Variants in MLLT3 observed in about 807,000 individuals in gnomAD.
MLLT3 encodes MLLT3 super elongation complex subunit.
Under a neutral mutation model 53.2 loss-of-function variants are expected in MLLT3, and 4 were observed. The ratio of observed to expected loss-of-function variants is 0.08; its 90% CI spans 0.04 to 0.17. MLLT3 has a LOEUF of 0.17. Ranked by LOEUF, MLLT3 falls within the 10% of genes least tolerant of loss-of-function variation. MLLT3 has a pLI of 1.00. For synonymous variants in MLLT3, 283 were observed against 230.6 expected, an observed-to-expected ratio of 1.23 and a Z score of -2.06; for missense variants, 569 against 684.0, an observed-to-expected ratio of 0.83 and a Z score of 1.87.
At chr9:20,580,380 G>A (rs144935242) in intron 2 of MLLT3, among the ~76,000 whole-genome samples, 3 of 150,874 alleles carry the variant, frequency 2.0e-5, no homozygotes, top group African/African-American at 4.9e-5. Context: ...TTTTAAGCTC[G>A]ATTTCTTAGA....
At chr9:20,454,875 C>T (rs1008156454) in intron 3 of MLLT3, among the ~76,000 whole-genome samples, 6 of 152,104 alleles carry the variant, frequency 3.9e-5, no homozygotes, top group Admixed American at 3.9e-4. Context: ...ACAGTCACTT[C>T]TCCAAAAAAA....
intron 2 of MLLT3, among the ~76,000 whole-genome samples, chr9:20,559,658 T>G (rs1158430789): frequency 1.3e-5 from 2 of 152,220 alleles, no homozygotes; most frequent in Non-Finnish European, 2.9e-5. Flanking sequence ...ATGCATCACA[T>G]GGCATCCTTT....
chr9:20,393,379 G>C (rs1822237217), intron 5 of MLLT3, among the ~76,000 whole-genome samples: 2 of 152,146 alleles, frequency 1.3e-5, no homozygotes, highest in South Asian at 4.1e-4. Context: ...CTGAGGATTT[G>C]TCAGGACTAC....
chr9:20,530,587 G>A (rs1256824344), intron 2 of MLLT3, among the ~76,000 whole-genome samples: 1 of 152,164 alleles, frequency 6.6e-6, no homozygotes, highest in Non-Finnish European at 1.5e-5. Context: ...ATTATGTCTT[G>A]TTCTCTGGTA....
At chr9:20,514,389 C>T (rs1345360057) in intron 2 of MLLT3, among the ~76,000 whole-genome samples, 2 of 152,146 alleles carry the variant, frequency 1.3e-5, no homozygotes, top group Admixed American at 1.3e-4. Flanking sequence ...TTTTAAGTGA[C>T]TGCCCACTCG....
At chr9:20,578,448 T>G (rs1819709738) in intron 2 of MLLT3, among the ~76,000 whole-genome samples, 1 of 151,414 alleles carries the variant, frequency 6.6e-6, no homozygotes, top group African/African-American at 2.4e-5. Context: ...GAGGCAGAGG[T>G]GGGAGGACTG....
chr9:20,559,637 AC>A (rs1365273525), intron 2 of MLLT3, among the ~76,000 whole-genome samples: 1 of 151,918 alleles, frequency 6.6e-6, no homozygotes, highest in Non-Finnish European at 1.5e-5. Context: ...AAATCACTTC[AC>A]CCCTTTGAAA....
chr9:20,498,227 CAAAAAAAAAAAAAAAAAAAAAAAAA>C (rs529049653), intron 2 of MLLT3, among the ~76,000 whole-genome samples: 9 of 32,480 alleles, frequency 2.8e-4, no homozygotes, highest in Non-Finnish European at 3.3e-4. Flanking sequence ...GACGCTGTCT[CAAAAAAAAAAAAAAAAAAAAAAAAA>C]AAAAAAAAAA....
At chr9:20,399,692 A>G (rs1416653150) in intron 5 of MLLT3, among the ~76,000 whole-genome samples, 1 of 152,158 alleles carries the variant, frequency 6.6e-6, no homozygotes, top group Non-Finnish European at 1.5e-5. Context: ...TACGATGACT[A>G]AAGTATAGGG....
chr9:20,571,871 G>A (rs906938355), intron 2 of MLLT3, among the ~76,000 whole-genome samples: 1 of 152,142 alleles, frequency 6.6e-6, no homozygotes, highest in Non-Finnish European at 1.5e-5. Context: ...GAGAACAAAA[G>A]ATAACAAGTA....
chr9:20,424,234 C>T (rs1221982903), intron 4 of MLLT3, among the ~76,000 whole-genome samples: 1 of 152,058 alleles, frequency 6.6e-6, no homozygotes, highest in Non-Finnish European at 1.5e-5. Flanking sequence ...GTATACATTT[C>T]AAGTGGGTTA....
At chr9:20,401,947 C>T (rs1304431366) in intron 5 of MLLT3, among the ~76,000 whole-genome samples, 3 of 152,092 alleles carry the variant, frequency 2.0e-5, no homozygotes, top group Non-Finnish European at 4.4e-5. Context: ...CAGAATTGTC[C>T]AGTTGGTAGC....
chr9:20,446,540 C>G (rs1005676683), intron 4 of MLLT3, among the ~76,000 whole-genome samples: 12 of 152,124 alleles, frequency 7.9e-5, no homozygotes, highest in Admixed American at 2.0e-4. Flanking sequence ...TTCCTACGAC[C>G]CTTATCAGAA....
chr9:20,397,807 G>A (rs950364578), intron 5 of MLLT3, among the ~76,000 whole-genome samples: 3 of 151,784 alleles, frequency 2.0e-5, no homozygotes, highest in Admixed American at 2.0e-4. Flanking sequence ...TTATATTTGG[G>A]TATAATTTTT....
At chr9:20,540,545 C>T (rs1265772553) in intron 2 of MLLT3, among the ~76,000 whole-genome samples, 1 of 152,214 alleles carries the variant, frequency 6.6e-6, no homozygotes, top group Non-Finnish European at 1.5e-5. Flanking sequence ...TGTACCTTGG[C>T]CCCTTTTAGC....
chr9:20,539,972 T>C (rs1162931028), intron 2 of MLLT3, among the ~76,000 whole-genome samples: 1 of 152,190 alleles, frequency 6.6e-6, no homozygotes, highest in Non-Finnish European at 1.5e-5. Context: ...AATGCTCCCA[T>C]TCCAAAAGGG....
chr9:20,612,802 CAA>C (rs992112408), intron 2 of MLLT3, among the ~76,000 whole-genome samples: 1 of 152,008 alleles, frequency 6.6e-6, no homozygotes, highest in African/African-American at 2.4e-5. Context: ...CCAAAATTGG[CAA>C]AGATATAGAG....
At chr9:20,533,706 T>C (rs1818402660) in intron 2 of MLLT3, among the ~76,000 whole-genome samples, 1 of 152,250 alleles carries the variant, frequency 6.6e-6, no homozygotes, top group Non-Finnish European at 1.5e-5. Context: ...AGCAACAGAA[T>C]ATTATTCAGT....
intron 3 of MLLT3, among the ~76,000 whole-genome samples, chr9:20,453,139 A>T (rs1321030479): frequency 6.6e-6 from 1 of 152,240 alleles, no homozygotes; most frequent in Non-Finnish European, 1.5e-5. Context: ...AAAAGTGGCA[A>T]AGCAATAATT....
Sources: gnomAD v4.1 joint callset for allele counts (sites outside exome capture counted in the v4.1 genomes callset) on GRCh38, gnomAD v4.1.1 for gene constraint, MANE v1.5 for transcripts, NCBI Gene and HGNC (gene_info 2026-07-23, HGNC 2026-07-21) for gene names.